PCDH19: variants seen among roughly 807,000 people sequenced by gnomAD.
PCDH19 encodes the protein protocadherin 19, also known as protocadherin-19.
In PCDH19, 6 loss-of-function variants were observed where a neutral mutation model predicts 46.2. The observed-to-expected ratio is 0.13, with a 90% CI of 0.07 to 0.26. The LOEUF (loss-of-function observed/expected upper bound fraction) is 0.26, where lower values mean the gene tolerates loss of function less well. Ranked by LOEUF, PCDH19 falls within the 10% of genes least tolerant of loss-of-function variation. The pLI is 1.00. For synonymous variants in PCDH19, 481 were observed against 415.7 expected (o/e 1.16, Z -1.91); for missense variants, 740 against 972.3 (o/e 0.76, Z 3.18).
At chrX:100,347,966 T>C (rs902868847) in intron 4 of PCDH19, among the ~76,000 whole-genome samples, 2 of 99,914 alleles carry the variant, frequency 2.0e-5, no homozygotes, top group African/African-American at 3.8e-5. Context: ...CTCAGGAGGC[T>C]AAGGCAGGAA....
intron 3 of PCDH19, among the ~76,000 whole-genome samples, chrX:100,371,019 GTGT>G (rs777504061): frequency 6.4e-5 from 7 of 109,883 alleles, no homozygotes; most frequent in African/African-American, 1.7e-4. Context: ...GTGTGTGTGT[GTGT>G]GTGGGTGTGT....
intron 4 of PCDH19, among the ~76,000 whole-genome samples, chrX:100,343,306 T>C (rs2147486318): frequency 9.0e-6 from 1 of 111,690 alleles, no homozygotes; most frequent in East Asian, 2.8e-4. Flanking sequence ...AATAAAACTC[T>C]TTCTACATAT....
chrX:100,340,096 G>T (rs1427271036), intron 5 of PCDH19, among the ~76,000 whole-genome samples: 2 of 111,423 alleles, frequency 1.8e-5, no homozygotes, highest in African/African-American at 6.5e-5. Flanking sequence ...ATGGAGACTG[G>T]TGGTCTCTAC....
chrX:100,303,415 T>G (rs1257755624), intron 5 of PCDH19, among the ~76,000 whole-genome samples: 4 of 112,046 alleles, frequency 3.6e-5, no homozygotes, highest in African/African-American at 1.3e-4. Flanking sequence ...TGGGCTTATT[T>G]GGGTGTTTAG....
At chrX:100,324,121 A>G (rs941551169) in intron 5 of PCDH19, among the ~76,000 whole-genome samples, 2 of 111,978 alleles carry the variant, frequency 1.8e-5, no homozygotes, top group Non-Finnish European at 3.8e-5. Context: ...AAATGGAGAC[A>G]GTTATCAACT....
intron 5 of PCDH19, among the ~76,000 whole-genome samples, chrX:100,320,772 CTTT>C (rs1173899868): frequency 1.0e-5 from 1 of 95,514 alleles, no homozygotes; most frequent in African/African-American, 3.8e-5. Context: ...AGAAAAAGTT[CTTT>C]TTTTTTTTTT....
At chrX:100,305,201 A>T (rs1924907569) in intron 5 of PCDH19, among the ~76,000 whole-genome samples, 1 of 112,252 alleles carries the variant, frequency 8.9e-6, no homozygotes, top group African/African-American at 3.2e-5. Context: ...ACAAAGGAAA[A>T]CCTATCAGAA....
At position 100,383,964 on chromosome X, in the gene PCDH19, G is replaced by A. The variant is rs141114093; in HGVS notation, c.2616+18560C>T. Among the ~76,000 whole-genome samples the A allele has an allele frequency of 2.1e-3, 235 of 111,293 alleles. 3 individuals carry two copies. In the East Asian group the frequency reaches 0.05, roughly 24 times the overall value. ...TTTTTCAGAAGCACCAGAAAGTTACGGTGAAGAAGAAGAAATAAACAATAA... is the reference window on the plus strand; with the variant it reads ...TTTTTCAGAAGCACCAGAAAGTTACAGTGAAGAAGAAGAAATAAACAATAA... On this transcript the variant is annotated intron_variant, in intron 3 of 5. Transcript: ENST00000373034.
intron 5 of PCDH19, among the ~76,000 whole-genome samples, chrX:100,336,673 C>A (rs148241629): frequency 0.015 from 1,697 of 112,210 alleles, 28 homozygotes; most frequent in African/African-American, 0.052. Flanking sequence ...CAAAAAAATT[C>A]TGTAAGTTGC....
intron 3 of PCDH19, among the ~76,000 whole-genome samples, chrX:100,393,493 T>TACACAC (rs1191391184): frequency 1.6e-4 from 4 of 25,351 alleles, no homozygotes; most frequent in Non-Finnish European, 3.3e-4. Flanking sequence ...TACACATACA[T>TACACAC]ACATACACAC....
chrX:100,349,007 T>A (rs932390936), intron 4 of PCDH19, among the ~76,000 whole-genome samples: 1 of 110,274 alleles, frequency 9.1e-6, no homozygotes, highest in African/African-American at 3.3e-5. Context: ...ACTCCTGGCC[T>A]CAAGCAGTTC....
chrX:100,296,186 A>C lies in PCDH19; in HGVS notation c.*91T>G, dbSNP rs1180508921. The C allele has an allele frequency of 1.4e-5, 10 of 718,389 alleles. No individual in the cohort carries two copies. The highest frequency in any genetic ancestry group is 2.2e-5 in the Non-Finnish European group (10 of 450,041). The allele number at this position is 718,389 out of a possible 1,213,427, so 59.2% of individuals were successfully genotyped here. A position where few individuals can be genotyped will look rare whatever the true frequency, so the allele number is the denominator to read the frequency against. On this transcript the variant is annotated 3_prime_UTR_variant, in exon 6 of 6. Coordinates refer to ENST00000373034, the MANE Select transcript of PCDH19 (RefSeq NM_001184880.2). ...GAAAAGCTCTGAAATATAGCCACTC[A>C]AGAACCAACCATTGGTGAGCAATTA...
chrX:100,375,823 A>T (rs1927362366), intron 3 of PCDH19, among the ~76,000 whole-genome samples: 1 of 112,559 alleles, frequency 8.9e-6, no homozygotes, highest in Admixed American at 9.4e-5. Context: ...TATTCTAATG[A>T]AATGGTGCTA....
chrX:100,333,183 G>GAGAGAA (rs1489789460), intron 5 of PCDH19, among the ~76,000 whole-genome samples: 2 of 43,469 alleles, frequency 4.6e-5, no homozygotes, highest in African/African-American at 7.8e-5. Flanking sequence ...GGGAGAGAGA[G>GAGAGAA]AGAAAGAAAG....
chrX:100,314,092 G>A (rs1569289419), intron 5 of PCDH19, among the ~76,000 whole-genome samples: 6 of 111,562 alleles, frequency 5.4e-5, no homozygotes, highest in Admixed American at 4.8e-4. Flanking sequence ...CAATATGGGA[G>A]GTCAGCAGTA....
chrX:100,312,712 T>C (rs1925169312), intron 5 of PCDH19, among the ~76,000 whole-genome samples: 1 of 111,267 alleles, frequency 9.0e-6, no homozygotes, highest in South Asian at 3.8e-4. Flanking sequence ...ACATGAAGAT[T>C]ACAATATAAT....
At chrX:100,338,210 C>T (rs1926145796) in intron 5 of PCDH19, among the ~76,000 whole-genome samples, 1 of 108,278 alleles carries the variant, frequency 9.2e-6, no homozygotes, top group Non-Finnish European at 1.9e-5. Context: ...GGCGTAGTGG[C>T]GGGCGCCTGT....
At chrX:100,326,149 T>C (rs1006125661) in intron 5 of PCDH19, among the ~76,000 whole-genome samples, 1 of 112,441 alleles carries the variant, frequency 8.9e-6, no homozygotes, top group African/African-American at 3.2e-5. Flanking sequence ...GAGAGAATTT[T>C]ATAAAGGGCT....
intron 1 of PCDH19, among the ~76,000 whole-genome samples, chrX:100,405,562 T>TCCCCCCCCCC (rs376813599): frequency 1.7e-5 from 1 of 58,169 alleles, no homozygotes; most frequent in African/African-American, 7.0e-5. Context: ...TCTCTCTCCC[T>TCCCCCCCCCC]CCCCCCCCCA....
Sources: gnomAD v4.1 joint callset for allele counts (sites outside exome capture counted in the v4.1 genomes callset) on GRCh38, gnomAD v4.1.1 for gene constraint, MANE v1.5 for transcripts, NCBI Gene and HGNC (gene_info 2026-07-23, HGNC 2026-07-21) for gene names.